Variants in MTERF3 observed in about 807,000 individuals in gnomAD.
MTERF3 encodes the protein transcription termination factor 3, mitochondrial.
A neutral mutation model predicts 40.5 loss-of-function variants in MTERF3; 40 were observed. That is an observed-to-expected ratio of 0.99 (90% confidence interval 0.77 to 1.29). MTERF3 has a LOEUF of 1.29. MTERF3 is among the 50% of genes most tolerant of loss of function. MTERF3 has a pLI of 0.00. For missense variants in MTERF3, 452 were observed against 478.2 expected (o/e 0.95, Z 0.51); for synonymous variants, 158 against 166.6 (o/e 0.95, Z 0.40).
At chr8:96,246,242 T>G in intron 5 of MTERF3, 65 bp downstream of exon 5, 10,542 of 1,336,372 alleles carry the variant, frequency 7.9e-3, no homozygotes, top group Non-Finnish European at 9.8e-3. Context: ...GCTGGGAACA[T>G]GAGATCTATC....
In MTERF3 at chr8:96,257,059, A is replaced by G. The variant is rs765745863; in HGVS notation, c.390T>C (p.Ala130=). ...ATGGAGGGTCTGCAATAATCTGAAT[A>G]GCCTCTTCCTCTGAAATTGGCTGCA... is the stretch of plus-strand genomic sequence containing the variant. ...SPMQPISEEE[A]IQIIADPPLP... is the part of the protein sequence containing the mutation. Residue 130 remains alanine, a synonymous_variant, in exon 3 of 8, where the codon GCT becomes GCC. Coordinates refer to ENST00000287025, the MANE Select transcript of MTERF3 (RefSeq NM_015942.5). 6.2e-7 allele frequency: 1 copy of G among 1,613,948 alleles called. No homozygotes were observed. The highest frequency in any genetic ancestry group is 8.5e-7 in the Non-Finnish European group (1 of 1,179,876).
rs550264926 is a variant in MTERF3 at position 96,247,044 on chromosome 8, C to T, written c.678-590G>A. On this transcript the variant is annotated intron_variant, in intron 4 of 7. Coordinates refer to ENST00000287025, the MANE Select transcript of MTERF3 (RefSeq NM_015942.5). ...CTGGAGTGCAGTGGCATGATCTGGGCTCAATGCAACCTCCGCCTCCCAGGT... is the reference window on the plus strand; with the variant it reads ...CTGGAGTGCAGTGGCATGATCTGGGTTCAATGCAACCTCCGCCTCCCAGGT... Among the ~76,000 whole-genome samples, 6 of 152,236 alleles carry T rather than the reference C, an allele frequency of 3.9e-5. No homozygotes were observed. In the South Asian group the frequency reaches 1.2e-3, roughly 32 times the overall value.
chr8:96,251,924 T>C (rs1215837458), intron 3 of MTERF3, among the ~76,000 whole-genome samples: 1 of 152,196 alleles, frequency 6.6e-6, no homozygotes, highest in Non-Finnish European at 1.5e-5. Context: ...AAATCTCATC[T>C]TGAATCCCCA....
At chr8:96,244,890 G>C (rs1029660584) in intron 6 of MTERF3, among the ~76,000 whole-genome samples, 7 of 152,156 alleles carry the variant, frequency 4.6e-5, no homozygotes, top group Admixed American at 4.6e-4. Flanking sequence ...GAGTGACATG[G>C]GAGCGCTGCA....
chr8:96,253,067 C>T (rs1184549189), intron 3 of MTERF3, among the ~76,000 whole-genome samples: 3 of 152,182 alleles, frequency 2.0e-5, no homozygotes, highest in Non-Finnish European at 2.9e-5. Context: ...GGCTTTACCT[C>T]ATCAGTTCAG....
At chr8:96,246,195 A>G in intron 5 of MTERF3, 112 bp downstream of exon 5, 1 of 1,064,244 alleles carries the variant, frequency 9.4e-7, no homozygotes, top group African/African-American at 1.6e-5. Flanking sequence ...TACAAAAAAT[A>G]CCAGGAATTT....
rs113796928 is a variant in MTERF3, at chr8:96,248,183, C to T, written c.678-1729G>A. 9.9e-4 allele frequency among the ~76,000 whole-genome samples: 151 copies of T among 152,306 alleles called. 1 individual carries two copies. The highest frequency in any genetic ancestry group is 3.5e-3 in the African/African-American group (146 of 41,580). On this transcript the variant is annotated intron_variant, in intron 4 of 7. Coordinates refer to ENST00000287025, the MANE Select transcript of MTERF3 (RefSeq NM_015942.5). Reference sequence around the variant, plus strand: ...AATTTGGCAATATCTATTGAAGTTACAGATGAACACACCCTTTGACCTAGC... The same window carrying T: ...AATTTGGCAATATCTATTGAAGTTATAGATGAACACACCCTTTGACCTAGC...
At chr8:96,260,316 A>G (rs1475130063) in intron 1 of MTERF3, 2 of 152,144 alleles carry the variant, frequency 1.3e-5, no homozygotes, top group Non-Finnish European at 2.9e-5. Flanking sequence ...TTTTCCCTCA[A>G]ACCTACAACA....
intron 2 of MTERF3, 29 bp from the exon 3 acceptor site, chr8:96,257,143 C>T: frequency 6.3e-7 from 1 of 1,593,116 alleles, no homozygotes; most frequent in Non-Finnish European, 8.5e-7. Flanking sequence ...AATTAGTGCT[C>T]TAATATGCAC....
intron 3 of MTERF3, among the ~76,000 whole-genome samples, chr8:96,255,447 T>A (rs1261390439): frequency 6.6e-6 from 1 of 152,052 alleles, no homozygotes; most frequent in Non-Finnish European, 1.5e-5. Flanking sequence ...AAGATCAGCC[T>A]GGCCAACAGG....
chr8:96,248,595 G>T (rs913133344), intron 4 of MTERF3, among the ~76,000 whole-genome samples: 20 of 152,278 alleles, frequency 1.3e-4, no homozygotes, highest in African/African-American at 4.6e-4. Flanking sequence ...GACAAAGTAG[G>T]AGAAAAGGAG....
In MTERF3 at chr8:96,239,724, C is replaced by T. The variant is rs1563542985; in HGVS notation, c.1060-39G>A. On this transcript the variant is annotated intron_variant, in intron 7 of 7. Coordinates refer to ENST00000287025, the MANE Select transcript of MTERF3 (RefSeq NM_015942.5). Reference sequence around the variant, plus strand: ...AAAAGTTTTTAAAAAACACTGCACACGGGAGGATGAAATATTAAAAAGTTT... The same window carrying T: ...AAAAGTTTTTAAAAAACACTGCACATGGGAGGATGAAATATTAAAAAGTTT... 23 of 1,487,946 alleles carry T rather than the reference C, an allele frequency of 1.5e-5. 1 individual carries two copies. The Middle Eastern group carries it at 5.3e-4, about 35-fold the overall frequency. The allele number at this position is 1,487,946 out of a possible 1,614,324, so 92.2% of individuals were successfully genotyped here.
At chr8:96,255,692 C>T (rs1426316658) in intron 3 of MTERF3, among the ~76,000 whole-genome samples, 1 of 149,890 alleles carries the variant, frequency 6.7e-6, no homozygotes. Flanking sequence ...TAACAGAGCA[C>T]AGATTTTTCT....
chr8:96,250,361 C>T (rs1331623033), intron 4 of MTERF3, among the ~76,000 whole-genome samples: 9 of 143,932 alleles, frequency 6.3e-5, no homozygotes, highest in East Asian at 2.0e-4. Flanking sequence ...AAACGTATTC[C>T]AGTTTCTAAA....
chr8:96,249,068 AT>A (rs1166772722), intron 4 of MTERF3, among the ~76,000 whole-genome samples: 1 of 152,222 alleles, frequency 6.6e-6, no homozygotes, highest in Non-Finnish European at 1.5e-5. Context: ...ATATTCCTCA[AT>A]TGTTAGGAGC....
chr8:96,258,610 T>G lies in MTERF3; in HGVS notation c.81A>C (p.Thr27=), dbSNP rs772191510. Residue 27 remains threonine (T), a synonymous_variant, in exon 2 of 8, where the codon ACA becomes ACC. Coordinates refer to ENST00000287025, the MANE Select transcript of MTERF3 (RefSeq NM_015942.5). ...LRSLINAAQL[T]KRFTRPARTL... ...TTCTTGCTGGTCTAGTAAAACGTTT[T>G]GTGAGTTGTGCAGCATTAATGAGGC... 3 of 1,614,176 alleles carry G rather than the reference T, an allele frequency of 1.9e-6. No homozygotes were observed. Among genetic ancestry groups the G allele is most frequent in the Non-Finnish European group, 2.5e-6 (3 of 1,179,996 alleles).
At chr8:96,246,739 C>T (rs1376619431) in intron 4 of MTERF3, among the ~76,000 whole-genome samples, 1 of 152,038 alleles carries the variant, frequency 6.6e-6, no homozygotes, top group Non-Finnish European at 1.5e-5. Context: ...CTTTCAATAG[C>T]AAAAACATGA....
chr8:96,254,051 T>G (rs1225022683), intron 3 of MTERF3, among the ~76,000 whole-genome samples: 1 of 152,054 alleles, frequency 6.6e-6, no homozygotes, highest in Non-Finnish European at 1.5e-5. Context: ...TTTTATCTTG[T>G]ATCATCCATA....
At position 96,253,040 on chromosome 8, in the gene MTERF3, G is replaced by C. The variant is rs148493323; in HGVS notation, c.488-1945C>G. Among the ~76,000 whole-genome samples the C allele has an allele frequency of 8.7e-3, 1,327 of 152,272 alleles. 10 individuals are homozygous for C. The highest frequency in any genetic ancestry group is 0.014 in the Non-Finnish European group (955 of 68,018). On this transcript the variant is annotated intron_variant, in intron 3 of 7. Transcript: ENST00000287025. Reference sequence around the variant, plus strand: ...GAATAATACACGATTCTAACCTCTAGGTGACCAGTCTAGTTGGGCTTTACC... The same window carrying C: ...GAATAATACACGATTCTAACCTCTACGTGACCAGTCTAGTTGGGCTTTACC...
Sources: gnomAD v4.1 joint callset for allele counts (sites outside exome capture counted in the v4.1 genomes callset) on GRCh38, gnomAD v4.1.1 for gene constraint, MANE v1.5 for transcripts, NCBI Gene and HGNC (gene_info 2026-07-23, HGNC 2026-07-21) for gene names.